The following TNIP1 variants were observed in gnomAD, a reference collection of about 807,000 sequenced individuals.
The protein encoded by TNIP1 is TNFAIP3 interacting protein 1.
A neutral mutation model predicts 86.6 loss-of-function variants in TNIP1; 22 were observed. That is an observed-to-expected ratio of 0.25 (90% CI 0.18 to 0.36). TNIP1 has a LOEUF of 0.36. Among genes scored for constraint, TNIP1 ranks in the 10% least tolerant of loss-of-function variants. TNIP1 has a pLI of 1.00. For synonymous variants in TNIP1, 294 were observed against 313.0 expected (o/e 0.94, Z 0.64); for missense variants, 709 against 820.6 (o/e 0.86, Z 1.66).
chr5:151,081,105 GC>G (rs1763985991), upstream of TNIP1: 1 of 151,874 alleles, frequency 6.6e-6, no homozygotes, highest in African/African-American at 2.4e-5. Context: ...TCGCCCAATC[GC>G]GCCGCGCGCT....
upstream of TNIP1, among the ~76,000 whole-genome samples, chr5:151,085,161 G>A (rs919799008): frequency 5.9e-5 from 9 of 152,316 alleles, no homozygotes; most frequent in Admixed American, 5.2e-4. Flanking sequence ...TCACGCAGAG[G>A]ATAAGGTGTG....
intron 1 of TNIP1, among the ~76,000 whole-genome samples, chr5:151,069,535 T>C (rs1248776256): frequency 6.6e-6 from 1 of 152,172 alleles, no homozygotes; most frequent in African/African-American, 2.4e-5. Context: ...ACTGGCTGCA[T>C]CCTGGGGCCA....
In TNIP1 at chr5:151,032,295, G is replaced by A. The variant is rs1757006923; in HGVS notation, c.1868C>T (p.Thr623Ile). ...QVMDPPTARP[T>I]EPESPKNDRE... ...CAGTATTAGGGGCTCACCTGGTTCT[G>A]TAGGCCTGGCTGTGGGAGGGTCCAT... Residue 623 changes from threonine to isoleucine, a missense_variant, in exon 17 of 18, where the codon ACA becomes ATA. Transcript: ENST00000521591. 1 of 1,613,748 alleles carries A rather than the reference G, an allele frequency of 6.2e-7. No individual in the cohort carries two copies. Among genetic ancestry groups the A allele is most frequent in the South Asian group, 1.1e-5 (1 of 91,048 alleles).
At chr5:151,047,531 T>A (rs535414962) in intron 8 of TNIP1, among the ~76,000 whole-genome samples, 1 of 152,258 alleles carries the variant, frequency 6.6e-6, no homozygotes, top group East Asian at 1.9e-4. Context: ...CTGAATAAAG[T>A]CTGTAGTTTA....
chr5:151,079,792 C>A (rs1376258955), intron 1 of TNIP1, among the ~76,000 whole-genome samples: 1 of 152,150 alleles, frequency 6.6e-6, no homozygotes, highest in Non-Finnish European at 1.5e-5. Context: ...TAATACAATT[C>A]TACCCTCCTT....
At position 151,058,562 on chromosome 5, in the gene TNIP1, A is replaced by G. The variant is rs116772393; in HGVS notation, c.436-1605T>C. On this transcript the variant is annotated intron_variant, in intron 5 of 17. Transcript: ENST00000521591. ...ACAGCAGCATCCAGTTGGGCTCCCC[A>G]CTTTACCCTGCCTGAACCCACACAC... 8.4e-3 allele frequency among the ~76,000 whole-genome samples: 1,271 copies of G among 152,164 alleles called. 20 individuals are homozygous for G. The highest frequency in any genetic ancestry group is 0.029 in the African/African-American group (1,222 of 41,520).
At chr5:151,066,772 C>T (rs962585714) in intron 1 of TNIP1, among the ~76,000 whole-genome samples, 1 of 152,174 alleles carries the variant, frequency 6.6e-6, no homozygotes, top group East Asian at 1.9e-4. Flanking sequence ...GCAATAAGAG[C>T]CAAGATGCAA....
intron 8 of TNIP1, among the ~76,000 whole-genome samples, chr5:151,047,081 T>C (rs1759270965): frequency 6.6e-6 from 1 of 152,214 alleles, no homozygotes; most frequent in Non-Finnish European, 1.5e-5. Flanking sequence ...TAAACACTTA[T>C]TAATTACAAA....
At chr5:151,076,784 C>G (rs556645804) in intron 1 of TNIP1, among the ~76,000 whole-genome samples, 1 of 152,158 alleles carries the variant, frequency 6.6e-6, no homozygotes, top group Non-Finnish European at 1.5e-5. Flanking sequence ...GGGCTGCCTA[C>G]GAGGTGGAAA....
chr5:151,061,933 T>C (rs1489872861), intron 4 of TNIP1, among the ~76,000 whole-genome samples, 194 bp downstream of exon 4: 1 of 152,178 alleles, frequency 6.6e-6, no homozygotes, highest in East Asian at 1.9e-4. Flanking sequence ...CCTGGTAAGT[T>C]TTAACTATGA....
At chr5:151,034,276 G>A (rs1237415128) in intron 15 of TNIP1, among the ~76,000 whole-genome samples, 4 of 147,896 alleles carry the variant, frequency 2.7e-5, no homozygotes, top group African/African-American at 7.5e-5. Context: ...ACAGAAGGCT[G>A]CTACATGGGC....
upstream of TNIP1, among the ~76,000 whole-genome samples, chr5:151,084,784 C>T (rs1764218244): frequency 1.3e-5 from 2 of 152,174 alleles, no homozygotes; most frequent in Non-Finnish European, 2.9e-5. Flanking sequence ...GATCCATAAC[C>T]TGAGGCAATC....
In TNIP1 at chr5:151,056,910, C is replaced by G; in HGVS notation, c.483G>C (p.Leu161=). The G allele has an allele frequency of 6.3e-7, 1 of 1,591,922 alleles. No homozygotes were observed. The highest frequency in any genetic ancestry group is 8.5e-7 in the Non-Finnish European group (1 of 1,169,856). ...CACTCAGCGTGGTCTCCAGGCGCTG[C>G]AGGTGCAGCATCAGGTTGCCGTCCT... ...PREDGNLMLH[L]QRLETTLSVC... Residue 161 remains leucine, a synonymous_variant, in exon 6 of 18, where the codon CTG becomes CTC. Coordinates refer to ENST00000521591, the MANE Select transcript of TNIP1 (RefSeq NM_006058.5).
At chr5:151,061,205 C>T (rs578217118) in intron 4 of TNIP1, among the ~76,000 whole-genome samples, 1 of 152,320 alleles carries the variant, frequency 6.6e-6, no homozygotes, top group South Asian at 2.1e-4. Context: ...TCCCGTTAAA[C>T]CTGGTCTGCA....
At chr5:151,046,013 G>A (rs574324382) in intron 8 of TNIP1, 63 bp from the exon 9 acceptor site, 29 of 1,533,756 alleles carry the variant, frequency 1.9e-5, no homozygotes, top group South Asian at 1.1e-4. Context: ...ACCCAGTCTC[G>A]GTGCTCCTCT....
intron 9 of TNIP1, among the ~76,000 whole-genome samples, chr5:151,045,265 T>G (rs946625732): frequency 1.3e-5 from 2 of 152,206 alleles, no homozygotes; most frequent in African/African-American, 4.8e-5. Context: ...ATTTTTTGTA[T>G]TTTTAGTAGG....
intron 5 of TNIP1, among the ~76,000 whole-genome samples, chr5:151,059,805 GA>G (rs1561512310): frequency 2.7e-4 from 30 of 112,126 alleles, no homozygotes; most frequent in African/African-American, 1.3e-3. Flanking sequence ...GAGAGAGAGA[GA>G]GAGAGAGAGA....
chr5:151,083,657 T>C (rs973135260), upstream of TNIP1, among the ~76,000 whole-genome samples: 13 of 152,214 alleles, frequency 8.5e-5, no homozygotes, highest in Admixed American at 7.9e-4. Context: ...TGTTTTGTTT[T>C]ATTTGGTTTT....
chr5:151,085,692 C>CA (rs1764249840), upstream of TNIP1, among the ~76,000 whole-genome samples: 1 of 151,640 alleles, frequency 6.6e-6, no homozygotes, highest in Non-Finnish European at 1.5e-5. Context: ...TCCAGCGTCT[C>CA]TCCCCCTGGC....
Sources: gnomAD v4.1 joint callset for allele counts (sites outside exome capture counted in the v4.1 genomes callset) on GRCh38, gnomAD v4.1.1 for gene constraint, MANE v1.5 for transcripts, NCBI Gene and HGNC (gene_info 2026-07-23, HGNC 2026-07-21) for gene names.